The following EXOC1 variants were observed in gnomAD, a reference collection of about 807,000 sequenced individuals.
The protein encoded by EXOC1 is exocyst complex component 1.
Under a neutral mutation model 107.7 loss-of-function variants are expected in EXOC1, and 67 were observed. The observed-to-expected ratio is 0.62, with a 90% confidence interval of 0.51 to 0.76. EXOC1 has a LOEUF of 0.76. EXOC1 is among the 30% of genes least tolerant of loss of function. EXOC1 has a pLI of 0.00. For synonymous variants in EXOC1, 348 were observed against 353.5 expected, an observed-to-expected ratio of 0.98 and a Z score of 0.17; for missense variants, 833 against 1,055.7, an observed-to-expected ratio of 0.79 and a Z score of 2.92.
intron 18 of EXOC1, among the ~76,000 whole-genome samples, chr4:55,904,110 G>A (rs1471165387): frequency 2.0e-5 from 3 of 151,416 alleles, no homozygotes; most frequent in Non-Finnish European, 4.4e-5. Context: ...TATGAGGAAG[G>A]TCTTATTATT....
intron 1 of EXOC1, among the ~76,000 whole-genome samples, chr4:55,855,330 G>A (rs1328744928): frequency 6.6e-6 from 1 of 152,190 alleles, no homozygotes; most frequent in East Asian, 1.9e-4. Flanking sequence ...GGAAATCGCA[G>A]AATGTGGTAG....
chr4:55,865,993 G>A (rs181987528), intron 4 of EXOC1, among the ~76,000 whole-genome samples: 1 of 152,072 alleles, frequency 6.6e-6, no homozygotes, highest in Admixed American at 6.5e-5. Flanking sequence ...CTCTTGCTTT[G>A]GTTTAGTGGA....
chr4:55,870,692 A>T lies in EXOC1; in HGVS notation c.618A>T (p.Ser206=). The change falls in exon 6 of 19, where the codon TCA becomes TCT. Residue 206 remains serine, a synonymous_variant. Coordinates refer to ENST00000381295, the MANE Select transcript of EXOC1 (RefSeq NM_001024924.2). The part of the protein sequence containing the change: ...LQVLDGANIQ[S]IMASEKQVNI... Reference sequence around the variant, plus strand: ...TAACTTTGTAGGCTAACATCCAGTCAATCATGGCATCTGAAAAACAAGTCA... The same window carrying T: ...TAACTTTGTAGGCTAACATCCAGTCTATCATGGCATCTGAAAAACAAGTCA... 1 of 1,613,586 alleles carries T rather than the reference A, an allele frequency of 6.2e-7. No individual in the cohort carries two copies. Among genetic ancestry groups the T allele is most frequent in the Non-Finnish European group, 8.5e-7 (1 of 1,179,674 alleles).
In EXOC1 at chr4:55,902,330, T is replaced by C. The variant is rs746019155; in HGVS notation, c.2338-14T>C. 2.1e-6 allele frequency: 3 copies of C among 1,416,444 alleles called. No homozygotes were observed. The highest frequency in any genetic ancestry group is 5.7e-5 in the Admixed American group (2 of 34,852). The allele number at this position is 1,416,444 out of a possible 1,614,324, so 87.7% of individuals were successfully genotyped here. Reference sequence around the variant, plus strand: ...TGCAGGTCTTAGCCATTGTTTCTTTTCATTTCCTTGAAGCATTTCTTTGAA... The same window carrying C: ...TGCAGGTCTTAGCCATTGTTTCTTTCCATTTCCTTGAAGCATTTCTTTGAA... On this transcript the variant is annotated splice_polypyrimidine_tract_variant and intron_variant, in intron 17 of 18. Transcript: ENST00000381295.
intron 1 of EXOC1, among the ~76,000 whole-genome samples, chr4:55,857,303 C>A (rs1721087020): frequency 1.3e-5 from 2 of 149,866 alleles, no homozygotes; most frequent in Non-Finnish European, 3.0e-5. Context: ...CTCAGCCTCT[C>A]CCAGTAGCTG....
At chr4:55,870,619 A>T (rs1392484620) in intron 5 of EXOC1, 59 bp from the exon 6 acceptor site, 1 of 1,449,920 alleles carries the variant, frequency 6.9e-7, no homozygotes, top group African/African-American at 1.5e-5. Flanking sequence ...TCTAAATAAC[A>T]AGTATGTTTT....
chr4:55,891,910 C>T (rs1293594152), intron 13 of EXOC1, among the ~76,000 whole-genome samples: 1 of 152,154 alleles, frequency 6.6e-6, no homozygotes, highest in Non-Finnish European at 1.5e-5. Flanking sequence ...ATTCGATCCC[C>T]AGCTTTCCTC....
intron 18 of EXOC1, 86 bp downstream of exon 18, chr4:55,902,624 T>C (rs17086145): frequency 0.032 from 35,925 of 1,116,132 alleles, 1,811 homozygotes; most frequent in Admixed American, 0.19. Context: ...ATGCTACAGA[T>C]CTAGAGCAGG....
intron 10 of EXOC1, among the ~76,000 whole-genome samples, chr4:55,884,283 A>G (rs926364446): frequency 6.6e-6 from 1 of 152,202 alleles, no homozygotes; most frequent in Admixed American, 6.6e-5. Context: ...CTGATTCCCT[A>G]AAAGACTTTT....
At chr4:55,892,250 T>C (rs185677378) in intron 13 of EXOC1, among the ~76,000 whole-genome samples, 29 of 152,314 alleles carry the variant, frequency 1.9e-4, no homozygotes, top group African/African-American at 7.0e-4. Context: ...GAATAATTGA[T>C]GAGATTTCCT....
intron 10 of EXOC1, among the ~76,000 whole-genome samples, chr4:55,884,599 C>T (rs184289801): frequency 1.3e-5 from 2 of 152,124 alleles, no homozygotes; most frequent in African/African-American, 4.8e-5. Flanking sequence ...GGTGATTTGC[C>T]GAGGCCACAT....
chr4:55,857,554 G>A (rs1457347713), intron 1 of EXOC1, among the ~76,000 whole-genome samples: 5 of 152,066 alleles, frequency 3.3e-5, no homozygotes, highest in African/African-American at 1.2e-4. Flanking sequence ...GGACATTTCT[G>A]TTATTTCCAT....
rs1353870183 is a variant in EXOC1, at chr4:55,892,684, G to A, written c.1697G>A (p.Cys566Tyr). The A allele has an allele frequency of 6.2e-7, 1 of 1,613,950 alleles. No individual in the cohort carries two copies. The highest frequency in any genetic ancestry group is 8.5e-7 in the Non-Finnish European group (1 of 1,179,992). ...GGAACATTATCACGGCAACATAATT[G>A]TGGCACACCACTGCCTGTTTCATCT... ...DGGTLSRQHN[C>Y]GTPLPVSSEK... Residue 566 changes from cysteine to tyrosine, a missense_variant, in exon 14 of 19, where the codon TGT becomes TAT. Physicochemically the swap from Cys to Tyr is radical, Grantham distance 194. Around this residue, in one of 2 missense-constraint regions of EXOC1, gnomAD observed 617 missense variants for 701.3 expected, o/e 0.88. Transcript: ENST00000381295.
Position 55,860,554 on chromosome 4 carries a change from C to T in EXOC1, c.255+13C>T. On this transcript the variant is annotated intron_variant, in intron 3 of 18. Transcript: ENST00000381295. Reference sequence around the variant, plus strand: ...AGATGCTATCAAAGTAGGTTTTTCTCAGTTCTTTGACCTGTGTTCAGAAAG... The same window carrying T: ...AGATGCTATCAAAGTAGGTTTTTCTTAGTTCTTTGACCTGTGTTCAGAAAG... 1 of 1,613,226 alleles carries T rather than the reference C, an allele frequency of 6.2e-7. No homozygotes were observed. The highest frequency in any genetic ancestry group is 8.5e-7 in the Non-Finnish European group (1 of 1,179,426).
At chr4:55,888,348 T>C (rs550135263) in intron 10 of EXOC1, among the ~76,000 whole-genome samples, 2 of 152,296 alleles carry the variant, frequency 1.3e-5, no homozygotes, top group East Asian at 3.9e-4. Context: ...GTAATTCAGC[T>C]TGATAATTAG....
chr4:55,861,672 A>G (rs1721486538), intron 3 of EXOC1, among the ~76,000 whole-genome samples: 1 of 152,234 alleles, frequency 6.6e-6, no homozygotes, highest in Non-Finnish European at 1.5e-5. Context: ...GGAGCACCCA[A>G]TGCTTAGAAA....
At chr4:55,875,380 ATAAG>A (rs1436672590) in intron 8 of EXOC1, 5 of 940,496 alleles carry the variant, frequency 5.3e-6, no homozygotes, top group Non-Finnish European at 6.3e-6. Flanking sequence ...TAAGAAAAGA[ATAAG>A]TAAGTATGCC....
chr4:55,874,954 G>C (rs1180657012), intron 8 of EXOC1, among the ~76,000 whole-genome samples: 2 of 152,094 alleles, frequency 1.3e-5, no homozygotes, highest in Non-Finnish European at 2.9e-5. Context: ...GATTTATTTT[G>C]ATAACTACTC....
chr4:55,904,045 G>A (rs1306325746), intron 18 of EXOC1, among the ~76,000 whole-genome samples: 2 of 151,842 alleles, frequency 1.3e-5, no homozygotes, highest in Admixed American at 6.6e-5. Context: ...GCTTACTTGT[G>A]TCAAACGCAG....
Sources: allele counts gnomAD v4.1 joint callset (sites outside exome capture counted in the v4.1 genomes callset), GRCh38; gene constraint gnomAD v4.1.1; regional missense constraint gnomAD v4.1.1; transcripts MANE v1.5; gene names NCBI Gene and HGNC (gene_info 2026-07-23, HGNC 2026-07-21).